DSN1: variants seen among roughly 807,000 people sequenced by gnomAD.
The protein encoded by DSN1 is kinetochore-associated protein DSN1 homolog.
In DSN1, 31 loss-of-function variants were observed where a neutral mutation model predicts 45.7. That is an observed-to-expected ratio of 0.68 (90% CI 0.51 to 0.92). The LOEUF is 0.92. Ranked by LOEUF, DSN1 falls within the 40% of genes least tolerant of loss-of-function variation. The pLI is 0.00. For missense variants in DSN1, 394 were observed against 414.2 expected, an observed-to-expected ratio of 0.95 and a Z score of 0.42; for synonymous variants, 134 against 142.3, an observed-to-expected ratio of 0.94 and a Z score of 0.41.
At chr20:36,757,437 C>T (rs936866166) in intron 8 of DSN1, among the ~76,000 whole-genome samples, 1 of 151,778 alleles carries the variant, frequency 6.6e-6, no homozygotes. Flanking sequence ...AAATTAGCCA[C>T]GCATCATGGC....
chr20:36,756,212 A>G (rs995566081), intron 8 of DSN1, among the ~76,000 whole-genome samples: 1 of 151,892 alleles, frequency 6.6e-6, no homozygotes, highest in Non-Finnish European at 1.5e-5. Flanking sequence ...GAACTCCTGA[A>G]CTTGTGATCT....
In DSN1 at chr20:36,754,764, G is replaced by A. The variant is rs761451572; in HGVS notation, c.960C>T (p.Leu320=). Residue 320 remains leucine (L), a splice_region_variant and synonymous_variant, in exon 10 of 11, where the codon CTC becomes CTT. Coordinates refer to ENST00000373750, the MANE Select transcript of DSN1 (RefSeq NM_001145315.2). ...GGTCCCCTCAAGAGACAAGCTTACC[G>A]AGCTGTACTGACACCTTCTGGAAGC... ...TQCFQKVSVQ[L]GKRSMQQLDP... 3.1e-6 allele frequency: 5 copies of A among 1,613,514 alleles called. No individual in the cohort carries two copies. The highest frequency in any genetic ancestry group is 3.3e-5 in the Admixed American group (2 of 59,994).
intron 8 of DSN1, among the ~76,000 whole-genome samples, chr20:36,757,570 C>A (rs1318839890): frequency 6.6e-6 from 1 of 151,882 alleles, no homozygotes; most frequent in Non-Finnish European, 1.5e-5. Context: ...GAGTCTGTCT[C>A]CAAAACAAAA....
At chr20:36,765,797 CAAAA>C (rs755780265) in intron 5 of DSN1, among the ~76,000 whole-genome samples, 16 of 45,128 alleles carry the variant, frequency 3.5e-4, no homozygotes, top group Middle Eastern at 0.012. Flanking sequence ...GAGTCTGTCT[CAAAA>C]AAAAAAAAAA....
rs148628979 is a variant in DSN1 at position 36,763,885 on chromosome 20, C to CAAAAAAAA, written c.503-1345_503-1338dup. ...CTGGCAACAGAGCAAAACTCTGTCT[C>CAAAAAAAA]AAAAAAAAAAAAAAAAAAAAAAAAA... On this transcript the variant is annotated intron_variant, in intron 5 of 10. Transcript: ENST00000373750. Among the ~76,000 whole-genome samples, 5 of 37,426 alleles carry CAAAAAAAA rather than the reference C, an allele frequency of 1.3e-4. 1 individual carries two copies. Among genetic ancestry groups the CAAAAAAAA allele is most frequent in the South Asian group, 2.0e-3 (1 of 508 alleles). 24.6% of individuals were successfully genotyped at this position (37,426 alleles called of 152,430 possible). A position where few individuals can be genotyped will look rare whatever the true frequency, so the allele number is the denominator to read the frequency against.
intron 5 of DSN1, among the ~76,000 whole-genome samples, chr20:36,763,402 CAAAAAAAGAAA>C: frequency 2.8e-4 from 1 of 3,600 alleles, no homozygotes; most frequent in Admixed American, 2.9e-3. Flanking sequence ...GACTCTGTCT[CAAAAAAAGAAA>C]AAAAAAAAAA....
chr20:36,769,900 GAT>G (rs1987540795), intron 3 of DSN1, among the ~76,000 whole-genome samples: 1 of 88,854 alleles, frequency 1.1e-5, no homozygotes, highest in African/African-American at 4.9e-5. Context: ...TTTCACTGTA[GAT>G]ACACACACAC....
At chr20:36,754,979 G>T in intron 9 of DSN1, 129 bp from the exon 10 acceptor site, 1 of 719,608 alleles carries the variant, frequency 1.4e-6, no homozygotes, top group Non-Finnish European at 2.3e-6. Context: ...GCTTATGCCA[G>T]ATAATTCTGT....
At chr20:36,767,152 A>C (rs1410961346) in intron 4 of DSN1, among the ~76,000 whole-genome samples, 1 of 151,848 alleles carries the variant, frequency 6.6e-6, no homozygotes, top group East Asian at 1.9e-4. Flanking sequence ...AAAAATACAA[A>C]AAAAATTAGC....
chr20:36,772,011 G>A lies in DSN1; in HGVS notation c.-15-538C>T, dbSNP rs555398710. ...TTCTCCTGCCTCAGCCTCCTGAGTA[G>A]CTGGGATTACAGGAATGCACCACCA... is the stretch of plus-strand genomic sequence containing the variant. On this transcript the variant is annotated intron_variant, in intron 1 of 10. Coordinates refer to ENST00000373750, the MANE Select transcript of DSN1 (RefSeq NM_001145315.2). Among the ~76,000 whole-genome samples the A allele has an allele frequency of 4.4e-4, 67 of 152,270 alleles. 1 individual carries two copies. The highest frequency in any genetic ancestry group is 8.5e-4 in the Non-Finnish European group (58 of 68,014).
intron 1 of DSN1, chr20:36,773,433 G>A (rs1987754040): frequency 1.0e-6 from 1 of 985,394 alleles, no homozygotes; most frequent in Admixed American, 6.2e-5. Context: ...CGGCAGATAC[G>A]TCTCTAATGG....
chr20:36,754,330 GAC>G (rs1202005939), intron 10 of DSN1, among the ~76,000 whole-genome samples: 8 of 151,838 alleles, frequency 5.3e-5, no homozygotes, highest in Admixed American at 5.3e-4. Context: ...CAAAGCGAGA[GAC>G]TTTGCCCCCC....
At chr20:36,759,951 C>G (rs1400589427) in intron 6 of DSN1, among the ~76,000 whole-genome samples, 2 of 152,046 alleles carry the variant, frequency 1.3e-5, no homozygotes, top group African/African-American at 4.8e-5. Flanking sequence ...CTTAAAAACT[C>G]TGTGACTCTC....
chr20:36,755,761 T>C lies in DSN1; in HGVS notation c.794A>G (p.Asn265Ser), dbSNP rs1986636282. The change falls in exon 9 of 11, where the codon AAT becomes AGT. Residue 265 changes from asparagine (N) to serine (S), a missense_variant. Physicochemically the swap from Asn to Ser is conservative, Grantham distance 46 (BLOSUM62 1). Transcript: ENST00000373750. Reference protein sequence around the residue: ...EPMTYLGSSQNEVLNTKPDYQ... With the variant: ...EPMTYLGSSQSEVLNTKPDYQ... ...GTCAGGTTTTGTATTAAGAACTTCATTCTGAGAAGACCCAAGATATGTCAT... is the reference window on the plus strand; with the variant it reads ...GTCAGGTTTTGTATTAAGAACTTCACTCTGAGAAGACCCAAGATATGTCAT... The C allele has an allele frequency of 1.2e-6, 2 of 1,614,124 alleles. No homozygotes were observed.
Position 36,752,716 on chromosome 20 carries a change from AG to A in DSN1, c.*71del. The A allele has an allele frequency of 8.1e-7, 1 of 1,229,616 alleles. No individual in the cohort carries two copies. Among genetic ancestry groups the A allele is most frequent in the East Asian group, 2.3e-5 (1 of 42,734 alleles). 76.2% of individuals were successfully genotyped at this position (1,229,616 alleles called of 1,614,324 possible). A position where few individuals can be genotyped will look rare whatever the true frequency, so the allele number is the denominator to read the frequency against. The stretch of plus-strand genomic sequence containing the variant: ...CAAAGGCAACGAGCAGAAATCACGC[AG>A]TCACCACGTGCTGGGGCACTCTTCC... On this transcript the variant is annotated 3_prime_UTR_variant, in exon 11 of 11. Transcript: ENST00000373750.
chr20:36,761,316 G>C (rs1039990687), intron 6 of DSN1, among the ~76,000 whole-genome samples: 1 of 152,164 alleles, frequency 6.6e-6, no homozygotes, highest in Non-Finnish European at 1.5e-5. Context: ...TACTGACCTA[G>C]ATTATCGCTG....
intron 6 of DSN1, 122 bp from the exon 7 acceptor site, chr20:36,758,739 G>C: frequency 1.1e-6 from 1 of 908,512 alleles, no homozygotes; most frequent in Non-Finnish European, 1.6e-6. Flanking sequence ...CCAGGCTGGA[G>C]TGCAATGGCA....
intron 4 of DSN1, among the ~76,000 whole-genome samples, chr20:36,767,310 A>C (rs1987398439): frequency 6.7e-6 from 1 of 150,128 alleles, no homozygotes; most frequent in Non-Finnish European, 1.5e-5. Context: ...CGTCTCAAAA[A>C]AACAACAAAA....
At position 36,754,826 on chromosome 20, in the gene DSN1, T is replaced by C. The variant is rs1179240534; in HGVS notation, c.898A>G (p.Lys300Glu). 1.9e-6 allele frequency: 3 copies of C among 1,613,784 alleles called. No individual in the cohort carries two copies. ...LVMDELQGSV[K>E]QLQAFMDEST... ...TCATCCATAAAGGCCTGCAGCTGTTTCACTGATCCTTGCAGTTCATCCATC... is the reference window on the plus strand; with the variant it reads ...TCATCCATAAAGGCCTGCAGCTGTTCCACTGATCCTTGCAGTTCATCCATC... The change falls in exon 10 of 11, where the codon AAA becomes GAA. Residue 300 changes from lysine to glutamate, a missense_variant. Lys to Glu is a moderately conservative substitution (Grantham distance 56). Transcript: ENST00000373750.
Sources: allele counts gnomAD v4.1 joint callset (sites outside exome capture counted in the v4.1 genomes callset), GRCh38; gene constraint gnomAD v4.1.1; transcripts MANE v1.5; gene names NCBI Gene and HGNC (gene_info 2026-07-23, HGNC 2026-07-21).